PAPPA2: variants seen among roughly 807,000 people sequenced by gnomAD.
PAPPA2 encodes pappalysin-2.
Under a neutral mutation model 176.4 loss-of-function variants are expected in PAPPA2, and 86 were observed. The ratio of observed to expected loss-of-function variants is 0.49; its 90% confidence interval spans 0.41 to 0.58. The LOEUF is 0.58. Ranked by LOEUF, PAPPA2 falls within the 20% of genes least tolerant of loss-of-function variation. The pLI, the probability that PAPPA2 is intolerant of heterozygous loss-of-function variation, is 0.00. For missense variants in PAPPA2, 2,073 were observed against 2,256.9 expected, an observed-to-expected ratio of 0.92 and a Z score of 1.65; for synonymous variants, 809 against 852.2, an observed-to-expected ratio of 0.95 and a Z score of 0.88.
chr1:176,712,569 A>G (rs1661193549), intron 12 of PAPPA2, among the ~76,000 whole-genome samples: 2 of 152,348 alleles, frequency 1.3e-5, no homozygotes, highest in South Asian at 2.1e-4. Flanking sequence ...ATACACCACC[A>G]TATATTTAAC....
rs372444275 is a variant in PAPPA2 at position 176,793,520 on chromosome 1, G to C, written c.5021-40G>C. ...TCCTGAAAGAAAAAGAATGAGATCTGGGAAGTTCAAGTCTCTGCTGTAAAC... is the reference window on the plus strand; with the variant it reads ...TCCTGAAAGAAAAAGAATGAGATCTCGGAAGTTCAAGTCTCTGCTGTAAAC... On this transcript the variant is annotated intron_variant, in intron 19 of 22. Transcript: ENST00000367662. The C allele has an allele frequency of 2.7e-6, 4 of 1,491,934 alleles. No individual in the cohort carries two copies. In the African/African-American group the frequency reaches 5.6e-5, roughly 21 times the overall value. The allele number at this position is 1,491,934 out of a possible 1,614,324, so 92.4% of individuals were successfully genotyped here. A position where few individuals can be genotyped will look rare whatever the true frequency, so the allele number is the denominator to read the frequency against.
At chr1:176,623,643 CTTT>C (rs1476025515) in intron 3 of PAPPA2, among the ~76,000 whole-genome samples, 3 of 125,498 alleles carry the variant, frequency 2.4e-5, no homozygotes, top group African/African-American at 9.6e-5. Context: ...TTCTTTCTTT[CTTT>C]CTTTCTTTCT....
In PAPPA2 at chr1:176,598,698, A is replaced by G. The variant is rs1654116689; in HGVS notation, c.1991+3103A>G. On this transcript the variant is annotated intron_variant, in intron 3 of 22. Transcript: ENST00000367662. ...CCCTCCTCTGAGCTGTTCTAACACT[A>G]AATAAAACTCTTCTTCTTCACCCTT... 1.3e-5 allele frequency among the ~76,000 whole-genome samples: 2 copies of G among 152,184 alleles called. 1 individual carries two copies. The highest frequency in any genetic ancestry group is 4.1e-4 in the South Asian group (2 of 4,834).
chr1:176,554,597 C>T (rs1319227789), intron 1 of PAPPA2, among the ~76,000 whole-genome samples: 1 of 152,206 alleles, frequency 6.6e-6, no homozygotes, highest in African/African-American at 2.4e-5. Flanking sequence ...CAATTGGAAA[C>T]ATGGTTCCTT....
At chr1:176,675,790 T>C (rs893982210) in intron 4 of PAPPA2, among the ~76,000 whole-genome samples, 26 of 151,988 alleles carry the variant, frequency 1.7e-4, no homozygotes, top group Non-Finnish European at 7.4e-5. Flanking sequence ...TTTTATAAAC[T>C]GCAAACAAGG....
At chr1:176,484,577 C>T (rs1652564316) in intron 1 of PAPPA2, among the ~76,000 whole-genome samples, 1 of 152,144 alleles carries the variant, frequency 6.6e-6, no homozygotes, top group East Asian at 1.9e-4. Flanking sequence ...TCAGAAATTT[C>T]TATTGATATT....
chr1:176,793,717 C>A (rs1665291851), intron 20 of PAPPA2, 48 bp downstream of exon 20: 2 of 1,411,116 alleles, frequency 1.4e-6, no homozygotes, highest in Admixed American at 4.1e-5. Flanking sequence ...GTCTGCTGAG[C>A]AACACTTGGA....
In PAPPA2 at chr1:176,671,027, C is replaced by T. The variant is rs1164551884; in HGVS notation, c.2049C>T (p.Phe683=). The T allele has an allele frequency of 1.2e-6, 2 of 1,613,994 alleles. No homozygotes were observed. Among genetic ancestry groups the T allele is most frequent in the South Asian group, 2.2e-5 (2 of 91,084 alleles). The change falls in exon 4 of 23, where the codon TTC becomes TTT. Residue 683 remains phenylalanine, a synonymous_variant. Coordinates refer to ENST00000367662, the MANE Select transcript of PAPPA2 (RefSeq NM_020318.3). ...KEALQLNSTH[F]LNIYFASSVR... Reference sequence around the variant, plus strand: ...CCCTGCAGCTGAACAGTACTCACTTCCTCAACATCTACTTTGCCAGCTCAG... The same window carrying T: ...CCCTGCAGCTGAACAGTACTCACTTTCTCAACATCTACTTTGCCAGCTCAG...
intron 15 of PAPPA2, among the ~76,000 whole-genome samples, chr1:176,767,855 C>T (rs551213634): frequency 4.6e-5 from 7 of 152,252 alleles, no homozygotes; most frequent in African/African-American, 7.2e-5. Context: ...GAATCCTGGT[C>T]GTGATCACAA....
chr1:176,686,688 C>A (rs1659855965), intron 4 of PAPPA2, among the ~76,000 whole-genome samples: 1 of 152,190 alleles, frequency 6.6e-6, no homozygotes, highest in Non-Finnish European at 1.5e-5. Flanking sequence ...AAGGCAGAGG[C>A]AGTGACAGTC....
intron 21 of PAPPA2, among the ~76,000 whole-genome samples, chr1:176,828,995 T>A (rs988053686): frequency 6.6e-6 from 1 of 151,578 alleles, no homozygotes; most frequent in African/African-American, 2.4e-5. Context: ...AACGCAAGAC[T>A]CCATCTCAAA....
intron 3 of PAPPA2, among the ~76,000 whole-genome samples, chr1:176,632,183 G>C (rs903536488): frequency 2.0e-5 from 3 of 151,658 alleles, no homozygotes; most frequent in African/African-American, 7.3e-5. Flanking sequence ...GGATTGCTAG[G>C]CAGAAATGAA....
chr1:176,531,392 A>ACCC (rs1230238186), intron 1 of PAPPA2, among the ~76,000 whole-genome samples: 5 of 152,226 alleles, frequency 3.3e-5, no homozygotes, highest in African/African-American at 9.6e-5. Context: ...GCTAGGGTGT[A>ACCC]TAGAATGCTT....
intron 14 of PAPPA2, among the ~76,000 whole-genome samples, chr1:176,755,864 T>TA (rs1252019361): frequency 6.6e-6 from 1 of 152,202 alleles, no homozygotes; most frequent in African/African-American, 2.4e-5. Flanking sequence ...ACATATTTGA[T>TA]ATATCAAACA....
chr1:176,581,128 AT>A (rs575935302), intron 2 of PAPPA2, among the ~76,000 whole-genome samples: 1 of 151,948 alleles, frequency 6.6e-6, no homozygotes, highest in Non-Finnish European at 1.5e-5. Context: ...CCATTTTGAA[AT>A]TTTTTTTAAT....
intron 3 of PAPPA2, among the ~76,000 whole-genome samples, chr1:176,617,453 T>A (rs1329282367): frequency 6.6e-6 from 1 of 152,096 alleles, no homozygotes; most frequent in African/African-American, 2.4e-5. Flanking sequence ...TTTGTAGTCT[T>A]TTATTTCTCA....
In PAPPA2 at chr1:176,723,490, T is replaced by A. The variant is rs377573886; in HGVS notation, c.3798+11509T>A. The stretch of plus-strand genomic sequence containing the variant: ...GATAAGGTGGTTAGGTTTTTTTTTT[T>A]AAACCTTTCAGAGAAATATAGGATT... On this transcript the variant is annotated intron_variant, in intron 12 of 22. Coordinates refer to ENST00000367662, the MANE Select transcript of PAPPA2 (RefSeq NM_020318.3). Among the ~76,000 whole-genome samples the A allele has an allele frequency of 8.8e-3, 1,242 of 140,792 alleles. 19 individuals carry two copies. Among genetic ancestry groups the A allele is most frequent in the African/African-American group, 0.03 (1,167 of 38,484 alleles). 92.4% of individuals were successfully genotyped at this position (140,792 alleles called of 152,430 possible).
intron 5 of PAPPA2, 77 bp from the exon 6 acceptor site, chr1:176,692,047 GAC>G (rs1441145116): frequency 7.2e-7 from 1 of 1,383,348 alleles, no homozygotes; most frequent in Non-Finnish European, 1.0e-6. Flanking sequence ...CCATGAACAA[GAC>G]ACAAATTTAT....
intron 16 of PAPPA2, among the ~76,000 whole-genome samples, 179 bp downstream of exon 16, chr1:176,769,963 T>G (rs948330159): frequency 6.6e-6 from 1 of 152,192 alleles, no homozygotes; most frequent in African/African-American, 2.4e-5. Context: ...CCCAACTACT[T>G]GAAAGGATGC....
Sources: allele counts gnomAD v4.1 joint callset (sites outside exome capture counted in the v4.1 genomes callset), GRCh38; gene constraint gnomAD v4.1.1; transcripts MANE v1.5; gene names NCBI Gene and HGNC (gene_info 2026-07-23, HGNC 2026-07-21).